RNF214: variants seen among roughly 807,000 people sequenced by gnomAD.
The protein encoded by RNF214 is ring finger protein 214.
Under a neutral mutation model 75.9 loss-of-function variants are expected in RNF214, and 25 were observed. The observed-to-expected ratio is 0.33, with a 90% CI of 0.24 to 0.46. The LOEUF (loss-of-function observed/expected upper bound fraction) is 0.46, where lower values mean the gene tolerates loss of function less well. Ranked by LOEUF, RNF214 falls within the 20% of genes least tolerant of loss-of-function variation. RNF214 has a pLI of 1.00. For synonymous variants in RNF214, 314 were observed against 308.8 expected (o/e 1.02, Z -0.18); for missense variants, 725 against 857.5 (o/e 0.85, Z 1.93).
At chr11:117,258,654 C>T (rs2033585183) in intron 6 of RNF214, among the ~76,000 whole-genome samples, 1 of 151,842 alleles carries the variant, frequency 6.6e-6, no homozygotes, top group Admixed American at 6.6e-5. Flanking sequence ...TTAAGGGAAC[C>T]ATTCAGTGAG....
At chr11:117,282,958 G>C (rs1055420981) in intron 13 of RNF214, 108 bp downstream of exon 13, 4 of 1,010,492 alleles carry the variant, frequency 4.0e-6, no homozygotes, top group Non-Finnish European at 6.1e-6. Flanking sequence ...GTTATTTGCA[G>C]CCCTACTGGG....
intron 4 of RNF214, among the ~76,000 whole-genome samples, chr11:117,243,312 A>G (rs895586531): frequency 6.6e-6 from 1 of 151,946 alleles, no homozygotes; most frequent in African/African-American, 2.4e-5. Context: ...ATGCCTGGCT[A>G]ATTTTGTATT....
At chr11:117,265,013 A>T (rs2033764711) in intron 6 of RNF214, among the ~76,000 whole-genome samples, 1 of 151,640 alleles carries the variant, frequency 6.6e-6, no homozygotes, top group Non-Finnish European at 1.5e-5. Flanking sequence ...GGTTGCAGTG[A>T]GCCTAGATCA....
intron 6 of RNF214, among the ~76,000 whole-genome samples, chr11:117,257,230 G>A (rs959491953): frequency 6.6e-6 from 1 of 152,208 alleles, no homozygotes; most frequent in African/African-American, 2.4e-5. Flanking sequence ...CCACTACTTG[G>A]GGGGCAGAGG....
chr11:117,240,230 A>G (rs1449202098), intron 4 of RNF214, among the ~76,000 whole-genome samples: 1 of 151,260 alleles, frequency 6.6e-6, no homozygotes, highest in African/African-American at 2.4e-5. Flanking sequence ...GTGCATGCCT[A>G]TAGTCCTAGC....
chr11:117,259,149 G>A (rs886954777), intron 6 of RNF214, among the ~76,000 whole-genome samples: 2 of 152,106 alleles, frequency 1.3e-5, no homozygotes, highest in African/African-American at 2.4e-5. Context: ...TAGAGACAGG[G>A]TTTTGCCATG....
chr11:117,257,091 C>T (rs1239998021), intron 6 of RNF214, among the ~76,000 whole-genome samples: 1 of 152,146 alleles, frequency 6.6e-6, no homozygotes, highest in Non-Finnish European at 1.5e-5. Context: ...AATCCCAGCT[C>T]TTTGGGAGGC....
intron 6 of RNF214, among the ~76,000 whole-genome samples, chr11:117,248,086 C>A (rs372484042): frequency 6.6e-6 from 1 of 151,394 alleles, no homozygotes; most frequent in Non-Finnish European, 1.5e-5. Flanking sequence ...TCTTTTTTTT[C>A]TTTTTTTGAG....
intron 8 of RNF214, 60 bp downstream of exon 8, chr11:117,280,319 A>G: frequency 9.7e-7 from 1 of 1,027,722 alleles, no homozygotes; most frequent in Non-Finnish European, 1.5e-6. Context: ...TTGTTTGTTT[A>G]GGTTTTTTCA....
intron 6 of RNF214, 35 bp from the exon 7 acceptor site, chr11:117,279,873 T>G (rs770967604): frequency 5.9e-6 from 9 of 1,518,374 alleles, no homozygotes; most frequent in Non-Finnish European, 7.2e-6. Context: ...CTTATCTTTC[T>G]TCCTTAGTCT....
intron 6 of RNF214, among the ~76,000 whole-genome samples, chr11:117,260,237 T>G (rs954169553): frequency 6.6e-6 from 1 of 152,178 alleles, no homozygotes; most frequent in Admixed American, 6.5e-5. Flanking sequence ...CAAGCAATCC[T>G]TCTGTCTCAG....
At chr11:117,284,188 G>A (rs1311518119) in intron 14 of RNF214, among the ~76,000 whole-genome samples, 1 of 152,198 alleles carries the variant, frequency 6.6e-6, no homozygotes, top group African/African-American at 2.4e-5. Flanking sequence ...GCCTAGATGA[G>A]AGGAATGGAA....
intron 14 of RNF214, among the ~76,000 whole-genome samples, chr11:117,284,209 G>C (rs1351688686): frequency 6.6e-6 from 1 of 152,198 alleles, no homozygotes; most frequent in African/African-American, 2.4e-5. Flanking sequence ...TGGAGGACCT[G>C]AGTATGAGAT....
In RNF214 at chr11:117,283,120, A is replaced by C. The variant is rs753052997; in HGVS notation, c.1956A>C (p.Pro652=). 6.2e-7 allele frequency: 1 copy of C among 1,613,272 alleles called. No individual in the cohort carries two copies. Among genetic ancestry groups the C allele is most frequent in the Non-Finnish European group, 8.5e-7 (1 of 1,179,244 alleles). Reference sequence around the variant, plus strand: ...ATGCCGCCTCTGTTCTACAGGCTCCAGCCACCTGTAAGCTATGTCTAATGT... The same window carrying C: ...ATGCCGCCTCTGTTCTACAGGCTCCCGCCACCTGTAAGCTATGTCTAATGT... ...VSYPGRSSHA[P]ATCKLCLMCQ... is the part of the protein sequence containing the mutation. Residue 652 remains proline, a synonymous_variant, in exon 14 of 15, where the codon CCA becomes CCC. Transcript: ENST00000300650.
At chr11:117,247,730 A>G (rs1027843831) in intron 6 of RNF214, among the ~76,000 whole-genome samples, 3 of 152,020 alleles carry the variant, frequency 2.0e-5, no homozygotes, top group Non-Finnish European at 4.4e-5. Context: ...GTGCACCTGT[A>G]GTCTCAGCTA....
intron 6 of RNF214, among the ~76,000 whole-genome samples, chr11:117,266,923 C>T (rs1214579783): frequency 2.2e-5 from 3 of 134,764 alleles, no homozygotes; most frequent in African/African-American, 5.7e-5. Context: ...GGCACGATCT[C>T]GGCTCACGGC....
chr11:117,263,335 G>T (rs1170434526), intron 6 of RNF214, among the ~76,000 whole-genome samples: 1 of 149,556 alleles, frequency 6.7e-6, no homozygotes, highest in African/African-American at 2.5e-5. Context: ...GAGTGCAGTG[G>T]TGCAGTCTCG....
At position 117,274,955 on chromosome 11, in the gene RNF214, A is replaced by C. The variant is rs2033986216; in HGVS notation, c.960-4953A>C. On this transcript the variant is annotated intron_variant, in intron 6 of 14. Coordinates refer to ENST00000300650, the MANE Select transcript of RNF214 (RefSeq NM_207343.4). Reference sequence around the variant, plus strand: ...AGCCTCCAGAAACAACTGAGATTACAGGTGTGAGCCACTGCACCTGGCCTA... The same window carrying C: ...AGCCTCCAGAAACAACTGAGATTACCGGTGTGAGCCACTGCACCTGGCCTA... Among the ~76,000 whole-genome samples the C allele has an allele frequency of 2.0e-5, 3 of 152,230 alleles. 1 individual carries two copies. In the South Asian group the frequency reaches 6.2e-4, roughly 32 times the overall value.
intron 12 of RNF214, 24 bp from the exon 13 acceptor site, chr11:117,282,722 C>G (rs1310986060): frequency 6.3e-7 from 1 of 1,598,108 alleles, no homozygotes; most frequent in Admixed American, 1.7e-5. Flanking sequence ...TCTTCCCTTA[C>G]TCTGACAATG....
Sources: gnomAD v4.1 joint callset for allele counts (sites outside exome capture counted in the v4.1 genomes callset) on GRCh38, gnomAD v4.1.1 for gene constraint, MANE v1.5 for transcripts, NCBI Gene and HGNC (gene_info 2026-07-23, HGNC 2026-07-21) for gene names.